The following HMBOX1 variants were observed in gnomAD, a reference collection of about 807,000 sequenced individuals.
HMBOX1 encodes the protein homeobox containing 1.
A neutral mutation model predicts 54.5 loss-of-function variants in HMBOX1; 14 were observed. The ratio of observed to expected loss-of-function variants is 0.26; its 90% CI spans 0.17 to 0.40. The LOEUF (loss-of-function observed/expected upper bound fraction) is 0.40. HMBOX1 is among the 10% of genes least tolerant of loss of function. The pLI, the probability that HMBOX1 is intolerant of heterozygous loss-of-function variation, is 1.00. For synonymous variants in HMBOX1, 160 were observed against 181.0 expected, an observed-to-expected ratio of 0.88 and a Z score of 0.93; for missense variants, 332 against 514.4, an observed-to-expected ratio of 0.65 and a Z score of 3.43.
At position 29,027,037 on chromosome 8, in the gene HMBOX1, G is replaced by T. The variant is rs139446007; in HGVS notation, c.851+8124G>T. The stretch of plus-strand genomic sequence containing the variant: ...AAAGGATTTTGTTGTTTTTAAAGAG[G>T]ACCTGACTAGATTTTAATGGATAAA... On this transcript the variant is annotated intron_variant, in intron 6 of 9. Coordinates refer to ENST00000287701, the MANE Select transcript of HMBOX1 (RefSeq NM_001135726.3). 2.6e-5 allele frequency among the ~76,000 whole-genome samples: 4 copies of T among 152,180 alleles called. No homozygotes were observed. In the East Asian group the frequency reaches 5.8e-4, roughly 22 times the overall value.
chr8:28,924,622 CT>C (rs1196890678), intron 1 of HMBOX1: 2 of 151,406 alleles, frequency 1.3e-5, no homozygotes, highest in African/African-American at 4.9e-5. Context: ...ATATGGTATT[CT>C]TTTCTTTTTG....
intron 3 of HMBOX1, among the ~76,000 whole-genome samples, chr8:28,971,352 A>T (rs986832916): frequency 2.3e-4 from 35 of 152,108 alleles, no homozygotes; most frequent in Admixed American, 1.8e-3. Flanking sequence ...CGGCCTCCCA[A>T]AGTGCTGGGA....
At chr8:28,993,258 G>T (rs1831267477) in intron 4 of HMBOX1, among the ~76,000 whole-genome samples, 1 of 151,998 alleles carries the variant, frequency 6.6e-6, no homozygotes, top group Non-Finnish European at 1.5e-5. Context: ...TTTTGATAAA[G>T]ATTTAGATTT....
At chr8:28,924,101 GTTTTTTTTTGGTT>G (rs1171448885) in intron 1 of HMBOX1, among the ~76,000 whole-genome samples, 1 of 144,732 alleles carries the variant, frequency 6.9e-6, no homozygotes, top group African/African-American at 2.5e-5. Context: ...GGACATAAGT[GTTTTTTTTTGGTT>G]TTTTTTTTTT....
intron 4 of HMBOX1, among the ~76,000 whole-genome samples, chr8:28,997,143 T>C (rs1169004158): frequency 2.0e-5 from 3 of 152,196 alleles, no homozygotes; most frequent in Non-Finnish European, 4.4e-5. Flanking sequence ...AATACAATGT[T>C]TAACAGAAGT....
chr8:28,894,391 G>T (rs1366970225), intron 1 of HMBOX1, among the ~76,000 whole-genome samples: 1 of 152,126 alleles, frequency 6.6e-6, no homozygotes, highest in South Asian at 2.1e-4. Context: ...CTTGAACTTT[G>T]ACTGAAGCTA....
chr8:28,893,055 C>T (rs907082843), intron 1 of HMBOX1, among the ~76,000 whole-genome samples: 8 of 152,094 alleles, frequency 5.3e-5, no homozygotes, highest in African/African-American at 1.4e-4. Context: ...TTTTCTCTTC[C>T]ATCTACCCTT....
intron 1 of HMBOX1, among the ~76,000 whole-genome samples, chr8:28,937,070 A>G (rs1253351462): frequency 6.6e-6 from 1 of 152,110 alleles, no homozygotes; most frequent in Non-Finnish European, 1.5e-5. Flanking sequence ...TCAGTGTACC[A>G]CCTTTCCAGT....
At chr8:28,995,201 C>T (rs1831611793) in intron 4 of HMBOX1, among the ~76,000 whole-genome samples, 1 of 152,178 alleles carries the variant, frequency 6.6e-6, no homozygotes. Flanking sequence ...TACTAATATA[C>T]TTTCTGTCTC....
At chr8:28,924,913 CT>C (rs368684931) in intron 1 of HMBOX1, among the ~76,000 whole-genome samples, 1,661 of 126,354 alleles carry the variant, frequency 0.013, 14 homozygotes, top group Middle Eastern at 0.074. Flanking sequence ...CGCCCAGCCT[CT>C]TTTTTTTTTT....
At position 29,051,228 on chromosome 8, in the gene HMBOX1, C is replaced by T; in HGVS notation, c.*73C>T. The T allele has an allele frequency of 4.6e-6, 7 of 1,519,762 alleles. No individual in the cohort carries two copies. In the South Asian group the frequency reaches 7.2e-5, roughly 16 times the overall value. 94.1% of individuals were successfully genotyped at this position (1,519,762 alleles called of 1,614,324 possible). On this transcript the variant is annotated 3_prime_UTR_variant, in exon 10 of 10. Transcript: ENST00000287701. ...TTAGCAGACTTTCCTCGGTCCTTAACATGTGTTCTTACAGTATAACTTGCA... is the reference window on the plus strand; with the variant it reads ...TTAGCAGACTTTCCTCGGTCCTTAATATGTGTTCTTACAGTATAACTTGCA...
At chr8:28,972,715 G>A (rs1264543513) in intron 3 of HMBOX1, among the ~76,000 whole-genome samples, 1 of 152,126 alleles carries the variant, frequency 6.6e-6, no homozygotes, top group African/African-American at 2.4e-5. Flanking sequence ...GGGAAAACTT[G>A]TTAGTAAAAG....
intron 1 of HMBOX1, among the ~76,000 whole-genome samples, chr8:28,920,806 G>T (rs751742188): frequency 1.8e-4 from 28 of 152,162 alleles, no homozygotes; most frequent in Non-Finnish European, 3.2e-4. Flanking sequence ...CAGACAATCA[G>T]TAGATGAAAT....
intron 3 of HMBOX1, 136 bp from the exon 4 acceptor site, chr8:28,979,935 A>C: frequency 1.6e-6 from 1 of 638,122 alleles, no homozygotes; most frequent in Non-Finnish European, 2.8e-6. Context: ...ATTTTCACAC[A>C]AGTTTGGTCT....
intron 3 of HMBOX1, among the ~76,000 whole-genome samples, chr8:28,978,786 CA>C (rs36075812): frequency 2.2e-4 from 21 of 95,816 alleles, no homozygotes; most frequent in South Asian, 1.5e-3. Context: ...GACTCCGTCT[CA>C]AAAAAAAAAA....
In HMBOX1 at chr8:28,965,612, C is replaced by T. The variant is rs191900024; in HGVS notation, c.23+1722C>T. On this transcript the variant is annotated intron_variant, in intron 2 of 9. Coordinates refer to ENST00000287701, the MANE Select transcript of HMBOX1 (RefSeq NM_001135726.3). ...TCTTGGGAGAGGCTGGCTTGACCACCATAGCTGAGATCTGAGACCACAAGG... is the reference window on the plus strand; with the variant it reads ...TCTTGGGAGAGGCTGGCTTGACCACTATAGCTGAGATCTGAGACCACAAGG... 4.6e-5 allele frequency among the ~76,000 whole-genome samples: 7 copies of T among 152,278 alleles called. No individual in the cohort carries two copies. The East Asian group carries it at 1.2e-3, about 25-fold the overall frequency.
intron 1 of HMBOX1, among the ~76,000 whole-genome samples, chr8:28,930,903 A>G (rs953372488): frequency 4.6e-5 from 7 of 152,114 alleles, no homozygotes; most frequent in African/African-American, 1.7e-4. Flanking sequence ...AGATTGTGAA[A>G]CTTTTGATGG....
At chr8:28,934,852 G>A (rs1820115332) in intron 1 of HMBOX1, among the ~76,000 whole-genome samples, 3 of 151,962 alleles carry the variant, frequency 2.0e-5, no homozygotes, top group South Asian at 4.2e-4. Context: ...GCGTGAACCC[G>A]GGAGGCGGAG....
intron 6 of HMBOX1, among the ~76,000 whole-genome samples, chr8:29,019,430 T>C (rs1800833898): frequency 6.6e-6 from 1 of 152,136 alleles, no homozygotes. Flanking sequence ...TTAACCTGAA[T>C]TTGACCGTAG....
Sources: allele counts gnomAD v4.1 joint callset (sites outside exome capture counted in the v4.1 genomes callset), GRCh38; gene constraint gnomAD v4.1.1; transcripts MANE v1.5; gene names NCBI Gene and HGNC (gene_info 2026-07-23, HGNC 2026-07-21).